The following SLC6A17 variants were observed in gnomAD, a reference collection of about 807,000 sequenced individuals.
The protein encoded by SLC6A17 is sodium-dependent neutral amino acid transporter SLC6A17.
SLC6A17 carries 21 observed loss-of-function variants against 64.5 expected under a neutral mutation model. The ratio of observed to expected loss-of-function variants is 0.33; its 90% confidence interval spans 0.23 to 0.47. The LOEUF is 0.47. Among genes scored for constraint, SLC6A17 ranks in the 20% least tolerant of loss-of-function variants. SLC6A17 has a pLI of 1.00. For synonymous variants in SLC6A17, 372 were observed against 399.5 expected, an observed-to-expected ratio of 0.93 and a Z score of 0.82; for missense variants, 682 against 963.2, an observed-to-expected ratio of 0.71 and a Z score of 3.86.
intron 1 of SLC6A17, among the ~76,000 whole-genome samples, chr1:110,164,409 A>C (rs775302073): frequency 1.3e-5 from 2 of 152,144 alleles, no homozygotes; most frequent in African/African-American, 4.8e-5. Context: ...TCAGAGATAA[A>C]ATGGGAATGT....
intron 2 of SLC6A17, among the ~76,000 whole-genome samples, chr1:110,168,902 A>T (rs1450851840): frequency 2.0e-5 from 3 of 152,178 alleles, no homozygotes; most frequent in Non-Finnish European, 2.9e-5. Flanking sequence ...CCTAGAGGAA[A>T]AGCATTGTCA....
intron 3 of SLC6A17, among the ~76,000 whole-genome samples, chr1:110,172,679 G>C (rs1215304306): frequency 6.6e-6 from 1 of 152,150 alleles, no homozygotes; most frequent in Non-Finnish European, 1.5e-5. Flanking sequence ...TTGCCATTTT[G>C]CTATGCCAAA....
chr1:110,161,759 T>C (rs1655916765), intron 1 of SLC6A17, among the ~76,000 whole-genome samples: 1 of 152,062 alleles, frequency 6.6e-6, no homozygotes, highest in Admixed American at 6.5e-5. Flanking sequence ...GTGCCCCTCT[T>C]CCCTTCTCCT....
rs1656412442 is a variant in SLC6A17, at chr1:110,177,818, G to T, written c.864+1079G>T. ...GGAAGAAGAACCCAGATCTGATAGG[G>T]TTGGAAATCCCTGTAGGCTCCTGAT... is the stretch of plus-strand genomic sequence containing the variant. On this transcript the variant is annotated intron_variant, in intron 6 of 11. Transcript: ENST00000331565. 3 of 152,438 alleles carry T rather than the reference G, an allele frequency of 2.0e-5. No homozygotes were observed. The South Asian group carries it at 6.2e-4, about 32-fold the overall frequency. The allele number at this position is 152,438 out of a possible 1,614,324, so 9.4% of individuals were successfully genotyped here.
chr1:110,174,794 G>T lies in SLC6A17; in HGVS notation c.587G>T (p.Cys196Phe). The change falls in exon 5 of 12, where the codon TGT (cysteine) becomes TTT (phenylalanine). Residue 196 changes from cysteine (C) to phenylalanine (F), a missense_variant. Physicochemically the swap from Cys to Phe is radical, Grantham distance 205. Coordinates refer to ENST00000331565, the MANE Select transcript of SLC6A17 (RefSeq NM_001010898.4). The stretch of plus-strand genomic sequence containing the variant: ...GCTATTTCAGTGGTGGAGGCAGAGT[G>T]TGAAAAGAGCTCAGCCACTACCTAC... The part of the protein sequence containing the change: ...NGSVAVVEAE[C>F]EKSSATTYFW... The T allele has an allele frequency of 1.2e-6, 2 of 1,614,126 alleles. No homozygotes were observed. The highest frequency in any genetic ancestry group is 1.7e-5 in the Admixed American group (1 of 60,018).
rs1657127833 is a variant in SLC6A17 at position 110,201,541 on chromosome 1, C to T, written c.*3097C>T. The T allele has an allele frequency of 2.0e-5, 3 of 152,298 alleles. No homozygotes were observed. Among genetic ancestry groups the T allele is most frequent in the Non-Finnish European group, 4.4e-5 (3 of 68,080 alleles). The allele number at this position is 152,298 out of a possible 1,614,324, so 9.4% of individuals were successfully genotyped here. A position where few individuals can be genotyped will look rare whatever the true frequency, so the allele number is the denominator to read the frequency against. ...CTCAGGGAGACTTCCGCCCTCCTCA[C>T]TGAGGCAACATGAAGCCCGAGGCCC... On this transcript the variant is annotated 3_prime_UTR_variant, in exon 12 of 12. Coordinates refer to ENST00000331565, the MANE Select transcript of SLC6A17 (RefSeq NM_001010898.4).
chr1:110,151,660 C>G (rs769904617), intron 1 of SLC6A17, among the ~76,000 whole-genome samples: 1 of 152,154 alleles, frequency 6.6e-6, no homozygotes, highest in African/African-American at 2.4e-5. Flanking sequence ...TGGAAAGAAG[C>G]GTGATGTTTC....
In SLC6A17 at chr1:110,180,927, A is replaced by G. The variant is rs549641969; in HGVS notation, c.864+4188A>G. Among the ~76,000 whole-genome samples the G allele has an allele frequency of 6.6e-5, 10 of 152,304 alleles. No homozygotes were observed. The East Asian group carries it at 1.5e-3, about 24-fold the overall frequency. ...AATGACCTGGAAGGCCTTCCCTTCCATAGAGCCTTCCAACATCAGAAATAA... is the reference window on the plus strand; with the variant it reads ...AATGACCTGGAAGGCCTTCCCTTCCGTAGAGCCTTCCAACATCAGAAATAA... On this transcript the variant is annotated intron_variant, in intron 6 of 11. Coordinates refer to ENST00000331565, the MANE Select transcript of SLC6A17 (RefSeq NM_001010898.4).
At chr1:110,156,065 T>C (rs1422642747) in intron 1 of SLC6A17, among the ~76,000 whole-genome samples, 1 of 152,212 alleles carries the variant, frequency 6.6e-6, no homozygotes, top group East Asian at 1.9e-4. Flanking sequence ...CTGCGCAACC[T>C]GGGGCTGGCT....
Position 110,198,536 on chromosome 1 carries a change from A to C in SLC6A17, c.*92A>C. 3 of 1,513,598 alleles carry C rather than the reference A, an allele frequency of 2.0e-6. No homozygotes were observed. Among genetic ancestry groups the C allele is most frequent in the Non-Finnish European group, 1.8e-6 (2 of 1,137,126 alleles). The allele number at this position is 1,513,598 out of a possible 1,614,324, so 93.8% of individuals were successfully genotyped here. ...CTTTCTTGAGGTGGCCACCAGGCCCAGGCCAGGCCCTTTGCCCAAGAAGAG... is the reference window on the plus strand; with the variant it reads ...CTTTCTTGAGGTGGCCACCAGGCCCCGGCCAGGCCCTTTGCCCAAGAAGAG... On this transcript the variant is annotated 3_prime_UTR_variant, in exon 12 of 12. Transcript: ENST00000331565.
chr1:110,195,201 A>C (rs1656930347), intron 9 of SLC6A17, among the ~76,000 whole-genome samples: 1 of 152,236 alleles, frequency 6.6e-6, no homozygotes, highest in African/African-American at 2.4e-5. Context: ...GATACCTCTC[A>C]TCTGCATCCC....
intron 3 of SLC6A17, 80 bp from the exon 4 acceptor site, chr1:110,173,893 G>GATAA: frequency 1.9e-6 from 3 of 1,558,098 alleles, no homozygotes; most frequent in Admixed American, 3.8e-5. Flanking sequence ...CGCTGCCGAC[G>GATAA]TGCTGGGCCT....
chr1:110,161,773 C>T (rs1003518801), intron 1 of SLC6A17, among the ~76,000 whole-genome samples: 1 of 152,182 alleles, frequency 6.6e-6, no homozygotes, highest in Non-Finnish European at 1.5e-5. Flanking sequence ...TTCTCCTCCT[C>T]CCCGGCTGCT....
At chr1:110,184,497 C>T (rs1656626468) in intron 6 of SLC6A17, among the ~76,000 whole-genome samples, 1 of 152,218 alleles carries the variant, frequency 6.6e-6, no homozygotes, top group Non-Finnish European at 1.5e-5. Context: ...AACCTCCTAA[C>T]AACCCTGGAG....
intron 2 of SLC6A17, among the ~76,000 whole-genome samples, chr1:110,169,332 C>T (rs896504405): frequency 6.6e-6 from 1 of 152,200 alleles, no homozygotes; most frequent in African/African-American, 2.4e-5. Context: ...ATCTTTGCAA[C>T]AGCCCTGTGT....
chr1:110,152,009 T>A (rs1160353818), intron 1 of SLC6A17, among the ~76,000 whole-genome samples: 1 of 152,144 alleles, frequency 6.6e-6, no homozygotes, highest in Non-Finnish European at 1.5e-5. Context: ...TCCAAAAAAA[T>A]TCGGCCAAAA....
At chr1:110,175,090 G>A in intron 5 of SLC6A17, 130 bp downstream of exon 5, 2 of 1,176,476 alleles carry the variant, frequency 1.7e-6, no homozygotes, top group South Asian at 1.6e-5. Flanking sequence ...CCCAGAGGAG[G>A]GTGTGGAAGT....
chr1:110,192,315 C>A lies in SLC6A17; in HGVS notation c.1106+102C>A. ...GTGTGCATGGGGAGAGAGGTCCCCTCCACTCAGACTGAGGAATGGAGATCA... is the reference window on the plus strand; with the variant it reads ...GTGTGCATGGGGAGAGAGGTCCCCTACACTCAGACTGAGGAATGGAGATCA... On this transcript the variant is annotated intron_variant, in intron 7 of 11. Coordinates refer to ENST00000331565, the MANE Select transcript of SLC6A17 (RefSeq NM_001010898.4). This position sits in a 1 kb window ranked among gnomAD's most constrained non-coding sequence, Gnocchi z 4.3. The A allele has an allele frequency of 1.3e-6, 2 of 1,508,518 alleles. No homozygotes were observed. Among genetic ancestry groups the A allele is most frequent in the Non-Finnish European group, 1.8e-6 (2 of 1,112,554 alleles). The allele number at this position is 1,508,518 out of a possible 1,614,324, so 93.4% of individuals were successfully genotyped here.
At chr1:110,174,636 T>C in intron 4 of SLC6A17, 143 bp from the exon 5 acceptor site, 1 of 1,021,398 alleles carries the variant, frequency 9.8e-7, no homozygotes, top group East Asian at 2.6e-5. Flanking sequence ...AGATCCCGGC[T>C]AACCCAAGAT....
Sources: gnomAD v4.1 joint callset for allele counts (sites outside exome capture counted in the v4.1 genomes callset) on GRCh38, gnomAD v4.1.1 for gene constraint, Gnocchi (gnomAD v3.1) non-coding constraint, MANE v1.5 for transcripts, NCBI Gene and HGNC (gene_info 2026-07-23, HGNC 2026-07-21) for gene names.